Variants in ITPR1 observed in about 807,000 individuals in gnomAD.
The protein encoded by ITPR1 is inositol 1,4,5-trisphosphate-gated calcium channel ITPR1.
ITPR1 carries 96 observed loss-of-function variants against 318.4 expected under a neutral mutation model. That is an observed-to-expected ratio of 0.30 (90% CI 0.26 to 0.36). The LOEUF (loss-of-function observed/expected upper bound fraction) is 0.36. ITPR1 is among the 10% of genes least tolerant of loss of function. The pLI is 1.00. For missense variants in ITPR1, 2,440 were observed against 3,460.2 expected (o/e 0.71, Z 7.40); for synonymous variants, 1,312 against 1,289.9 (o/e 1.02, Z -0.37).
intron 40 of ITPR1, among the ~76,000 whole-genome samples, chr3:4,719,352 G>A (rs1490397211): frequency 6.6e-6 from 1 of 152,296 alleles, no homozygotes; most frequent in Non-Finnish European, 1.5e-5. Context: ...CCCTCTCAGC[G>A]GAGATGCCTC....
chr3:4,774,601 A>G (rs545246949), intron 46 of ITPR1, among the ~76,000 whole-genome samples: 115 of 152,324 alleles, frequency 7.5e-4, no homozygotes, highest in African/African-American at 2.7e-3. Flanking sequence ...TTGTTGAGGA[A>G]GTGTCTTGCT....
intron 55 of ITPR1, 69 bp downstream of exon 55, chr3:4,806,336 A>T (rs1486475332): frequency 5.0e-6 from 7 of 1,408,190 alleles, no homozygotes; most frequent in African/African-American, 2.8e-5. Flanking sequence ...CCTCTCTCTC[A>T]TCACAGACCC....
intron 57 of ITPR1, among the ~76,000 whole-genome samples, chr3:4,814,065 C>T (rs2049117220): frequency 1.3e-5 from 2 of 152,198 alleles, no homozygotes; most frequent in Non-Finnish European, 2.9e-5. Context: ...GCATAACCCT[C>T]ATCTGAGAGA....
intron 32 of ITPR1, 85 bp downstream of exon 32, chr3:4,691,429 A>G: frequency 1.1e-6 from 1 of 914,138 alleles, no homozygotes; most frequent in South Asian, 1.6e-5. Context: ...ATGAACTTGC[A>G]CCCTCTTCAG....
At chr3:4,568,128 AG>A (rs1559463174) in intron 4 of ITPR1, among the ~76,000 whole-genome samples, 5 of 152,134 alleles carry the variant, frequency 3.3e-5, no homozygotes, top group African/African-American at 1.2e-4. Flanking sequence ...ATTTTTACAT[AG>A]TTGGGCCCTG....
In ITPR1 at chr3:4,688,513, C is replaced by T; in HGVS notation, c.3721C>T (p.Gln1241Ter). 6.2e-7 allele frequency: 1 copy of T among 1,613,978 alleles called. No individual in the cohort carries two copies. Among genetic ancestry groups the T allele is most frequent in the Non-Finnish European group, 8.5e-7 (1 of 1,179,848 alleles). ...CACACAGGCCGAAGATACCAAGATG[C>T]AAGAGATAATGAGGTTGGCTCATGA... ...PYEKAEDTKM[Q>*]EIMRLAHEFL... Residue 1241 changes from glutamine (Q) to a stop codon, truncating the protein, a stop_gained, in exon 31 of 62, where the codon CAA (glutamine) becomes TAA (stop). Transcript: ENST00000649015. LOFTEE classifies it high-confidence loss of function.
chr3:4,846,173 G>A lies in ITPR1; in HGVS notation c.8225G>A (p.Gly2742Asp). 1 of 1,568,698 alleles carries A rather than the reference G, an allele frequency of 6.4e-7. No individual in the cohort carries two copies. The highest frequency in any genetic ancestry group is 1.4e-5 in the African/African-American group (1 of 73,946). ...CAAAGGAAGCAGAAACAAAGAATTG[G>A]TCTTCTAGGACATCCTCCTCACATG... The part of the protein sequence containing the change: ...TEQRKQKQRI[G>D]LLGHPPHMNV... The change falls in exon 62 of 62, where the codon GGT (glycine) becomes GAT (aspartate). Residue 2742 changes from glycine to aspartate, a missense_variant. This residue lies in a region of ITPR1 where 63 missense variants were observed against 63.4 expected (regional missense o/e 0.99). Transcript: ENST00000649015.
intron 53 of ITPR1, among the ~76,000 whole-genome samples, chr3:4,799,408 G>A (rs2048084469): frequency 6.6e-6 from 1 of 152,218 alleles, no homozygotes; most frequent in African/African-American, 2.4e-5. Flanking sequence ...GGGCTGGGGG[G>A]AACAGTTGTT....
At chr3:4,651,229 T>C (rs2093591342) in intron 10 of ITPR1, among the ~76,000 whole-genome samples, 1 of 152,246 alleles carries the variant, frequency 6.6e-6, no homozygotes, top group African/African-American at 2.4e-5. Flanking sequence ...TCTTGCCTTA[T>C]GCATATGCAG....
chr3:4,670,603 G>A (rs767903882), intron 19 of ITPR1, 126 bp from the exon 20 acceptor site: 39 of 702,040 alleles, frequency 5.6e-5, no homozygotes, highest in South Asian at 1.2e-4. Flanking sequence ...GGCTCTCTGC[G>A]GCTCTGCCCT....
chr3:4,802,250 TG>T (rs1370402752), intron 54 of ITPR1, among the ~76,000 whole-genome samples: 2 of 152,244 alleles, frequency 1.3e-5, no homozygotes, highest in South Asian at 2.1e-4. Flanking sequence ...TGCAGTTTTT[TG>T]TAAGTATCAC....
intron 4 of ITPR1, among the ~76,000 whole-genome samples, chr3:4,589,925 C>G (rs2090247319): frequency 6.6e-6 from 1 of 152,186 alleles, no homozygotes; most frequent in Non-Finnish European, 1.5e-5. Flanking sequence ...CTCGGGCTCT[C>G]CTGGTTCTTT....
At chr3:4,531,168 C>T (rs1466614780) in intron 4 of ITPR1, among the ~76,000 whole-genome samples, 1 of 152,104 alleles carries the variant, frequency 6.6e-6, no homozygotes, top group Non-Finnish European at 1.5e-5. Flanking sequence ...CACACAGTGT[C>T]TGCCACTTAA....
chr3:4,683,107 A>G (rs537625144), intron 26 of ITPR1, among the ~76,000 whole-genome samples: 2 of 152,356 alleles, frequency 1.3e-5, no homozygotes, highest in South Asian at 2.1e-4. Context: ...CAGCAGAAGA[A>G]CACCCTATGT....
chr3:4,717,494 A>G, intron 40 of ITPR1, 95 bp downstream of exon 40: 1 of 989,118 alleles, frequency 1.0e-6, no homozygotes, highest in Admixed American at 1.7e-5. Context: ...CTAGTCTCAC[A>G]GCGTCGAGTA....
At chr3:4,564,514 C>T (rs1241684280) in intron 4 of ITPR1, among the ~76,000 whole-genome samples, 1 of 152,198 alleles carries the variant, frequency 6.6e-6, no homozygotes, top group Non-Finnish European at 1.5e-5. Context: ...GAGTCACGTT[C>T]TGCATGTTTT....
chr3:4,738,822 G>A (rs563004362), intron 44 of ITPR1, among the ~76,000 whole-genome samples: 24 of 152,314 alleles, frequency 1.6e-4, no homozygotes, highest in Admixed American at 2.0e-4. Flanking sequence ...GTTCAGCCAC[G>A]TGTGGAGCAG....
At chr3:4,638,502 C>G (rs775830855) in intron 5 of ITPR1, among the ~76,000 whole-genome samples, 1 of 152,172 alleles carries the variant, frequency 6.6e-6, no homozygotes, top group African/African-American at 2.4e-5. Context: ...ATGTTCCCCC[C>G]CTAGCATGTC....
At chr3:4,557,479 A>G (rs2086246876) in intron 4 of ITPR1, among the ~76,000 whole-genome samples, 2 of 152,102 alleles carry the variant, frequency 1.3e-5, no homozygotes, top group African/African-American at 4.8e-5. Context: ...TCACTGTGTC[A>G]TTCACCACCC....
Sources: allele counts gnomAD v4.1 joint callset (sites outside exome capture counted in the v4.1 genomes callset), GRCh38; gene constraint gnomAD v4.1.1; regional missense constraint gnomAD v4.1.1; transcripts MANE v1.5; gene names NCBI Gene and HGNC (gene_info 2026-07-23, HGNC 2026-07-21).